The following USH1C variants were observed in gnomAD, a reference collection of about 807,000 sequenced individuals.
USH1C encodes harmonin.
USH1C carries 90 observed loss-of-function variants against 119.3 expected under a neutral mutation model. That is an observed-to-expected ratio of 0.75 (90% CI 0.64 to 0.90). USH1C has a LOEUF of 0.90. USH1C is among the 40% of genes least tolerant of loss of function. The pLI, the probability that USH1C is intolerant of heterozygous loss-of-function variation, is 0.00. For missense variants in USH1C, 1,165 were observed against 1,167.7 expected, an observed-to-expected ratio of 1.00 and a Z score of 0.03; for synonymous variants, 465 against 443.3, an observed-to-expected ratio of 1.05 and a Z score of -0.62.
chr11:17,527,275 C>A lies in USH1C; in HGVS notation c.444G>T (p.Glu148Asp). The change falls in exon 5 of 27, where the codon GAG (glutamate) becomes GAT (aspartate). Residue 148 changes from glutamate to aspartate, a missense_variant. Transcript: ENST00000005226. Reference protein sequence around the residue: ...NGYSISSCTHEEVINLIRTKK... With the variant: ...NGYSISSCTHDEVINLIRTKK... ...TGGTTCGAATGAGGTTGATGACCTC[C>A]TCATGGGTACAGGAGGAGATGGAAT... is the stretch of plus-strand genomic sequence containing the variant. The A allele has an allele frequency of 6.2e-7, 1 of 1,613,210 alleles. No individual in the cohort carries two copies. Among genetic ancestry groups the A allele is most frequent in the Non-Finnish European group, 8.5e-7 (1 of 1,179,770 alleles).
In USH1C at chr11:17,505,905, G is replaced by A. The variant is rs1333732058; in HGVS notation, c.2058C>T (p.Ser686=). 3 of 1,614,200 alleles carry A rather than the reference G, an allele frequency of 1.9e-6. No individual in the cohort carries two copies. Among genetic ancestry groups the A allele is most frequent in the East Asian group, 2.2e-5 (1 of 44,882 alleles). Residue 686 remains serine (S), a synonymous_variant, in exon 19 of 27, where the codon TCC becomes TCT. Coordinates refer to ENST00000005226, the MANE Select transcript of USH1C (RefSeq NM_153676.4). ...SPQPPRGPGV[S]TISKPVMVHQ... ...GGACCATGACAGGTTTGGAGATGGT[G>A]GACACGCCAGGGCCTCGTGGAGGCT...
At chr11:17,518,789 A>T (rs1258841004) in intron 14 of USH1C, among the ~76,000 whole-genome samples, 1 of 152,034 alleles carries the variant, frequency 6.6e-6, no homozygotes, top group Admixed American at 6.5e-5. Context: ...GGAGGTGGAG[A>T]CGGGCAGATC....
chr11:17,520,749 A>C, intron 14 of USH1C, 121 bp downstream of exon 14: 1 of 1,249,278 alleles, frequency 8.0e-7, no homozygotes, highest in Non-Finnish European at 1.2e-6. Flanking sequence ...CTGCCCCTCC[A>C]TGAAGGAACC....
chr11:17,525,519 C>T (rs112792220), intron 8 of USH1C, among the ~76,000 whole-genome samples: 4,334 of 152,286 alleles, frequency 0.028, 202 homozygotes, highest in African/African-American at 0.099. Flanking sequence ...GAATTATTAT[C>T]GCCCATTTAT....
chr11:17,539,837 T>C (rs1417938124), intron 1 of USH1C, among the ~76,000 whole-genome samples: 3 of 143,186 alleles, frequency 2.1e-5, no homozygotes, highest in Admixed American at 6.8e-5. Context: ...CTTTTTCTTT[T>C]TTTTTTTTTT....
chr11:17,507,023 G>C (rs557350390), intron 18 of USH1C, among the ~76,000 whole-genome samples: 1 of 152,338 alleles, frequency 6.6e-6, no homozygotes, highest in South Asian at 2.1e-4. Context: ...GATAGATCTG[G>C]CCCTGAAAAC....
At chr11:17,530,457 C>G (rs143834674) in intron 4 of USH1C, among the ~76,000 whole-genome samples, 18 of 152,336 alleles carry the variant, frequency 1.2e-4, no homozygotes, top group African/African-American at 4.3e-4. Flanking sequence ...AAAATGGGCA[C>G]GATCCGTTCA....
At chr11:17,516,609 C>T (rs1390907416) in intron 14 of USH1C, 1 of 409,934 alleles carries the variant, frequency 2.4e-6, no homozygotes, top group African/African-American at 2.0e-5. Flanking sequence ...GAAGGATGAG[C>T]TTTTCCAAAT....
intron 20 of USH1C, among the ~76,000 whole-genome samples, chr11:17,503,203 G>A (rs1031796524): frequency 2.0e-5 from 3 of 152,220 alleles, no homozygotes; most frequent in African/African-American, 7.2e-5. Context: ...AGGAGGGGGT[G>A]CAGTGAATGC....
intron 23 of USH1C, among the ~76,000 whole-genome samples, chr11:17,498,709 G>C (rs1045042170): frequency 6.6e-6 from 1 of 152,178 alleles, no homozygotes; most frequent in Admixed American, 6.5e-5. Flanking sequence ...CTTCTTCTAG[G>C]TCTGAGAGGA....
In USH1C at chr11:17,501,093, C is replaced by T. The variant is rs1168173659; in HGVS notation, c.2338G>A (p.Val780Ile). The T allele has an allele frequency of 6.2e-7, 1 of 1,614,082 alleles. No homozygotes were observed. Among genetic ancestry groups the T allele is most frequent in the Non-Finnish European group, 8.5e-7 (1 of 1,180,016 alleles). ...CCCCGCTCATACACAGCAGAAACGACCACCTTCCCAATGGGGGAGTCCACA... is the reference window on the plus strand; with the variant it reads ...CCCCGCTCATACACAGCAGAAACGATCACCTTCCCAATGGGGGAGTCCACA... ...GGVDSPIGKV[V>I]VSAVYERGAA... The change falls in exon 23 of 27, where the codon GTC becomes ATC. Residue 780 changes from valine to isoleucine, a missense_variant. Val to Ile is a conservative substitution (Grantham distance 29, BLOSUM62 3). Coordinates refer to ENST00000005226, the MANE Select transcript of USH1C (RefSeq NM_153676.4).
rs560207909 is a variant in USH1C at position 17,531,133 on chromosome 11, C to T, written c.387+21G>A. The T allele has an allele frequency of 5.6e-6, 9 of 1,613,850 alleles. No individual in the cohort carries two copies. Among genetic ancestry groups the T allele is most frequent in the Middle Eastern group, 1.7e-4 (1 of 6,002 alleles). On this transcript the variant is annotated intron_variant, in intron 4 of 26. Coordinates refer to ENST00000005226, the MANE Select transcript of USH1C (RefSeq NM_153676.4). The surrounding 1 kb of genome is among the most constrained non-coding windows in gnomAD (Gnocchi z 4.2). ...AGGTCCGAGGCCCTCGCTCCCCCTC[C>T]CCCGGACTCTGTTTGCTCACCTGGA... is the stretch of plus-strand genomic sequence containing the variant.
At chr11:17,503,222 G>A (rs1849515429) in intron 20 of USH1C, among the ~76,000 whole-genome samples, 1 of 152,204 alleles carries the variant, frequency 6.6e-6, no homozygotes, top group Non-Finnish European at 1.5e-5. Flanking sequence ...GCACAGGCAA[G>A]AAGGATCATT....
Position 17,529,297 on chromosome 11 carries a change from G to GA in USH1C, c.387+1856dup, listed in dbSNP as rs201098870. ...TAGGTTAAGTTAGGATATTCTTGGG[G>GA]AAAAAAAAACAAAAACCAAGTATCT... On this transcript the variant is annotated intron_variant, in intron 4 of 26. Transcript: ENST00000005226. 7.4e-3 allele frequency among the ~76,000 whole-genome samples: 1,124 copies of GA among 150,992 alleles called. 17 individuals carry two copies. The highest frequency in any genetic ancestry group is 0.025 in the African/African-American group (1,046 of 41,194).
rs1216031335 is a variant in USH1C at position 17,516,298 on chromosome 11, A to G, written c.1211-8T>C. On this transcript the variant is annotated splice_region_variant and splice_polypyrimidine_tract_variant and intron_variant, in intron 14 of 26. Coordinates refer to ENST00000005226, the MANE Select transcript of USH1C (RefSeq NM_153676.4). Reference sequence around the variant, plus strand: ...GATAAAACCATCCAAAAGCTATAAGACACAGATAACAAAATGATGAGACAC... The same window carrying G: ...GATAAAACCATCCAAAAGCTATAAGGCACAGATAACAAAATGATGAGACAC... The G allele has an allele frequency of 6.2e-7, 1 of 1,612,128 alleles. No homozygotes were observed. Among genetic ancestry groups the G allele is most frequent in the Non-Finnish European group, 8.5e-7 (1 of 1,179,318 alleles).
intron 11 of USH1C, 97 bp from the exon 12 acceptor site, chr11:17,523,023 A>T: frequency 6.3e-7 from 1 of 1,588,846 alleles, no homozygotes. Context: ...TCTTCTCAGC[A>T]CCATCAGGCA....
At chr11:17,496,146 G>T (rs1849241582) in intron 25 of USH1C, among the ~76,000 whole-genome samples, 1 of 151,352 alleles carries the variant, frequency 6.6e-6, no homozygotes, top group African/African-American at 2.4e-5. Context: ...GGGAAGGAGG[G>T]GGGCAGATAA....
At chr11:17,543,022 G>A (rs1195595186) in intron 1 of USH1C, among the ~76,000 whole-genome samples, 1 of 152,210 alleles carries the variant, frequency 6.6e-6, no homozygotes, top group Non-Finnish European at 1.5e-5. Flanking sequence ...GCCTCAACAC[G>A]CAGCACTCAG....
At chr11:17,533,617 C>T in intron 1 of USH1C, 2 of 560,724 alleles carry the variant, frequency 3.6e-6, no homozygotes, top group South Asian at 3.4e-5. Flanking sequence ...CACATAGGTA[C>T]ATATGTGAAT....
Sources: allele counts gnomAD v4.1 joint callset (sites outside exome capture counted in the v4.1 genomes callset), GRCh38; gene constraint gnomAD v4.1.1; non-coding constraint Gnocchi (gnomAD v3.1); transcripts MANE v1.5; gene names NCBI Gene and HGNC (gene_info 2026-07-23, HGNC 2026-07-21).